The following NREP variants were observed in gnomAD, a reference collection of about 807,000 sequenced individuals.
The protein encoded by NREP is neuronal regeneration related protein.
NREP carries 5 observed loss-of-function variants against 8.6 expected under a neutral mutation model. The ratio of observed to expected loss-of-function variants is 0.58; its 90% CI spans 0.30 to 1.22. NREP has a LOEUF of 1.22. NREP is among the 50% of genes most tolerant of loss of function. The pLI is 0.07. For missense variants in NREP, 86 were observed against 82.5 expected (o/e 1.04, Z -0.17); for synonymous variants, 27 against 28.0 (o/e 0.96, Z 0.11).
intron 2 of NREP, chr5:111,739,683 T>A (rs1313119166): frequency 6.6e-6 from 1 of 152,116 alleles, no homozygotes; most frequent in Non-Finnish European, 1.5e-5. Flanking sequence ...AAGTTTGTGT[T>A]TTTCATGAAG....
At chr5:111,771,364 T>C (rs1239772460) in intron 2 of NREP, among the ~76,000 whole-genome samples, 1 of 151,672 alleles carries the variant, frequency 6.6e-6, no homozygotes, top group African/African-American at 2.4e-5. Context: ...CACACACAGT[T>C]AATAAATGAC....
In NREP at chr5:111,795,749, CA is replaced by C. The variant is rs146661949; in HGVS notation, c.136-60243del. 5.2e-3 allele frequency among the ~76,000 whole-genome samples: 790 copies of C among 152,140 alleles called. 7 individuals are homozygous for C. Among genetic ancestry groups the C allele is most frequent in the Admixed American group, 0.011 (167 of 15,280 alleles). On this transcript the variant is annotated intron_variant, in intron 2 of 3. Transcript: ENST00000395634. ...TAGGGTTAAATAGGTCAAAAGTAAT[CA>C]AATAGGTCAAAAGTATATAAAAGAC...
At chr5:111,949,065 TGAAATTCTG>T (rs1334954706) in intron 2 of NREP, 1 of 152,036 alleles carries the variant, frequency 6.6e-6, no homozygotes, top group Non-Finnish European at 1.5e-5. Context: ...AAAAACAAAA[TGAAATTCTG>T]GAAACCCTTT....
In NREP at chr5:111,830,251, C is replaced by T. The variant is rs368682492; in HGVS notation, c.136-94744G>A. Among the ~76,000 whole-genome samples, 92 of 152,230 alleles carry T rather than the reference C, an allele frequency of 6.0e-4. 1 individual carries two copies. The highest frequency in any genetic ancestry group is 2.2e-3 in the African/African-American group (90 of 41,498). Reference sequence around the variant, plus strand: ...TCTTCTAATGTGGCCCCCTAAAGATCGGACACTCCTGTCTTAGGTTAAAGC... The same window carrying T: ...TCTTCTAATGTGGCCCCCTAAAGATTGGACACTCCTGTCTTAGGTTAAAGC... On this transcript the variant is annotated intron_variant, in intron 2 of 3. Transcript: ENST00000395634.
intron 2 of NREP, among the ~76,000 whole-genome samples, chr5:111,814,145 T>G (rs1299669253): frequency 1.3e-5 from 2 of 152,104 alleles, no homozygotes; most frequent in African/African-American, 4.8e-5. Context: ...CAGGTAGTTA[T>G]GCAAAAATCA....
At chr5:111,884,935 T>G (rs1204747108) in intron 2 of NREP, among the ~76,000 whole-genome samples, 1 of 152,160 alleles carries the variant, frequency 6.6e-6, no homozygotes, top group Non-Finnish European at 1.5e-5. Context: ...TGCCCTCCCT[T>G]GCCACTCCTA....
At chr5:111,789,376 AT>A (rs1395688006) in intron 2 of NREP, among the ~76,000 whole-genome samples, 31 of 152,294 alleles carry the variant, frequency 2.0e-4, no homozygotes, top group African/African-American at 6.5e-4. Context: ...ACTTAAACAT[AT>A]TTTTAATGTG....
chr5:111,961,453 A>T (rs1312395636), intron 2 of NREP, among the ~76,000 whole-genome samples: 1 of 152,212 alleles, frequency 6.6e-6, no homozygotes, highest in Non-Finnish European at 1.5e-5. Flanking sequence ...ATAAAATAAC[A>T]TTTGATGTAA....
chr5:111,772,916 T>C (rs1251922164), intron 2 of NREP, among the ~76,000 whole-genome samples: 2 of 152,204 alleles, frequency 1.3e-5, no homozygotes, highest in African/African-American at 4.8e-5. Context: ...TACTGCTGCT[T>C]AGTTTCTCTT....
chr5:111,825,836 T>A (rs1464128230), intron 2 of NREP, among the ~76,000 whole-genome samples: 1 of 152,196 alleles, frequency 6.6e-6, no homozygotes, highest in Non-Finnish European at 1.5e-5. Flanking sequence ...GGCCATAGCT[T>A]AAAGTTTCTC....
intron 2 of NREP, among the ~76,000 whole-genome samples, chr5:111,856,398 C>T (rs537216538): frequency 5.3e-5 from 8 of 152,170 alleles, no homozygotes; most frequent in Admixed American, 5.2e-4. Context: ...CAATAAGCGA[C>T]CTAAACAAAA....
At chr5:111,884,740 T>C (rs866460476) in intron 2 of NREP, among the ~76,000 whole-genome samples, 2,951 of 152,202 alleles carry the variant, frequency 0.019, 48 homozygotes, top group Non-Finnish European at 0.027. Flanking sequence ...ATTATCTCAA[T>C]AGATGCAGAA....
chr5:111,861,547 A>G (rs1753544033), intron 2 of NREP, among the ~76,000 whole-genome samples: 1 of 152,150 alleles, frequency 6.6e-6, no homozygotes, highest in Non-Finnish European at 1.5e-5. Context: ...ACTTTGCATC[A>G]TATTTGATAG....
intron 2 of NREP, among the ~76,000 whole-genome samples, chr5:111,769,984 C>G (rs1270591091): frequency 1.3e-5 from 2 of 152,110 alleles, no homozygotes; most frequent in Non-Finnish European, 2.9e-5. Context: ...AAGGTACTCA[C>G]GCATGAATCC....
At chr5:111,834,637 G>A (rs1490463505) in intron 2 of NREP, among the ~76,000 whole-genome samples, 2 of 152,152 alleles carry the variant, frequency 1.3e-5, no homozygotes, top group Admixed American at 6.6e-5. Context: ...TTGAAAAAAT[G>A]TAGGGTGAAA....
upstream of NREP, chr5:111,757,909 G>A: frequency 2.0e-6 from 2 of 985,308 alleles, no homozygotes; most frequent in African/African-American, 3.5e-5. Flanking sequence ...CAGGGCCGTG[G>A]GGAGAGGCGG....
At chr5:111,871,846 C>CTATATATATATATATATTTA (rs1554104110) in intron 2 of NREP, among the ~76,000 whole-genome samples, 2 of 144,422 alleles carry the variant, frequency 1.4e-5, no homozygotes, top group African/African-American at 5.1e-5. Flanking sequence ...GTAGTACAGA[C>CTATATATATATATATATTTA]TATATATATA....
At chr5:111,739,769 T>C (rs2112808624) in intron 2 of NREP, 1 of 152,210 alleles carries the variant, frequency 6.6e-6, no homozygotes. Context: ...ATCTAGAAAA[T>C]TTAAGCGTTC....
At chr5:111,772,171 G>C (rs757353728) in intron 2 of NREP, among the ~76,000 whole-genome samples, 1 of 152,138 alleles carries the variant, frequency 6.6e-6, no homozygotes, top group Non-Finnish European at 1.5e-5. Context: ...AAATTTACAA[G>C]CTAGGTTTTC....
Sources: allele counts gnomAD v4.1 joint callset (sites outside exome capture counted in the v4.1 genomes callset), GRCh38; gene constraint gnomAD v4.1.1; transcripts MANE v1.5; gene names NCBI Gene and HGNC (gene_info 2026-07-23, HGNC 2026-07-21).